Variants in TMEM131L observed in about 807,000 individuals in gnomAD.
The protein encoded by TMEM131L is transmembrane protein 131-like.
Under a neutral mutation model 192.2 loss-of-function variants are expected in TMEM131L, and 54 were observed. The observed-to-expected ratio is 0.28, with a 90% CI of 0.23 to 0.35. The LOEUF (loss-of-function observed/expected upper bound fraction) is 0.35. Ranked by LOEUF, TMEM131L falls within the 10% of genes least tolerant of loss-of-function variation. The pLI is 1.00. For missense variants in TMEM131L, 1,888 were observed against 1,972.9 expected, an observed-to-expected ratio of 0.96 and a Z score of 0.82; for synonymous variants, 701 against 704.9, an observed-to-expected ratio of 0.99 and a Z score of 0.09.
At chr4:153,478,045 T>C (rs1201202743) in intron 3 of TMEM131L, among the ~76,000 whole-genome samples, 1 of 152,240 alleles carries the variant, frequency 6.6e-6, no homozygotes, top group African/African-American at 2.4e-5. Context: ...CCTTAATTTA[T>C]ATGTTTTATC....
At chr4:153,614,339 T>C (rs1368222106) in intron 26 of TMEM131L, among the ~76,000 whole-genome samples, 1 of 152,172 alleles carries the variant, frequency 6.6e-6, no homozygotes, top group Non-Finnish European at 1.5e-5. Flanking sequence ...GTGAAAGCAA[T>C]AGGAAGGTGG....
chr4:153,620,472 A>C (rs1733310391), intron 26 of TMEM131L, among the ~76,000 whole-genome samples: 1 of 152,256 alleles, frequency 6.6e-6, no homozygotes, highest in Non-Finnish European at 1.5e-5. Flanking sequence ...TTATTGCTGC[A>C]AAGTTAACAG....
intron 3 of TMEM131L, among the ~76,000 whole-genome samples, chr4:153,549,109 C>T (rs949438704): frequency 8.5e-5 from 13 of 152,184 alleles, no homozygotes; most frequent in African/African-American, 2.6e-4. Context: ...GGATTACAGG[C>T]GCATGCCACC....
intron 25 of TMEM131L, among the ~76,000 whole-genome samples, chr4:153,605,310 C>CT (rs969611158): frequency 1.2e-4 from 19 of 152,152 alleles, no homozygotes; most frequent in Non-Finnish European, 2.5e-4. Context: ...TATTTATTTT[C>CT]TTTTTTTGTC....
chr4:153,487,480 G>C (rs114970846), intron 3 of TMEM131L, among the ~76,000 whole-genome samples: 2,939 of 152,300 alleles, frequency 0.019, 53 homozygotes, highest in South Asian at 0.068. Context: ...TGGTAAATAG[G>C]TGGGTTAGGC....
At chr4:153,613,829 T>C (rs1732791593) in intron 26 of TMEM131L, among the ~76,000 whole-genome samples, 1 of 152,242 alleles carries the variant, frequency 6.6e-6, no homozygotes, top group African/African-American at 2.4e-5. Context: ...TTTTTCCTTC[T>C]TTATTTTCTT....
chr4:153,597,850 G>A (rs11732127), intron 20 of TMEM131L, among the ~76,000 whole-genome samples: 41,487 of 151,920 alleles, frequency 0.27, 6,038 homozygotes, highest in Non-Finnish European at 0.34. Context: ...GGAGGATTGC[G>A]TGAGCCTGGG....
chr4:153,575,666 A>G (rs1048068121), intron 7 of TMEM131L, among the ~76,000 whole-genome samples: 6 of 152,198 alleles, frequency 3.9e-5, no homozygotes, highest in African/African-American at 1.2e-4. Flanking sequence ...AATACTTTCA[A>G]TGAAGACTAC....
At chr4:153,493,614 C>T (rs910840145) in intron 3 of TMEM131L, among the ~76,000 whole-genome samples, 4 of 152,138 alleles carry the variant, frequency 2.6e-5, no homozygotes, top group South Asian at 2.1e-4. Flanking sequence ...GAGCCGAGAT[C>T]GCACCACTGC....
chr4:153,481,909 C>T (rs1985632), intron 3 of TMEM131L, among the ~76,000 whole-genome samples: 2,106 of 151,970 alleles, frequency 0.014, 23 homozygotes, highest in Non-Finnish European at 0.021. Flanking sequence ...TGCAGTGACG[C>T]GATCTCGGCT....
chr4:153,600,970 C>T (rs750044999), intron 21 of TMEM131L, among the ~76,000 whole-genome samples: 18 of 151,812 alleles, frequency 1.2e-4, no homozygotes, highest in Non-Finnish European at 2.1e-4. Context: ...ATTAGCTGGG[C>T]GTGGTGGCAC....
intron 2 of TMEM131L, among the ~76,000 whole-genome samples, chr4:153,471,657 C>T (rs1477696692): frequency 6.6e-6 from 1 of 152,200 alleles, no homozygotes; most frequent in Non-Finnish European, 1.5e-5. Flanking sequence ...ACTCCTGATG[C>T]CCCTTGGTTA....
At chr4:153,562,287 C>T (rs549240494) in intron 7 of TMEM131L, among the ~76,000 whole-genome samples, 25 of 152,246 alleles carry the variant, frequency 1.6e-4, no homozygotes, top group African/African-American at 3.4e-4. Flanking sequence ...CCGCCCACCT[C>T]GGCCTCCTAA....
intron 3 of TMEM131L, among the ~76,000 whole-genome samples, chr4:153,514,250 A>G (rs915502742): frequency 1.3e-5 from 2 of 152,102 alleles, no homozygotes; most frequent in Non-Finnish European, 2.9e-5. Flanking sequence ...TGCAGTTCAC[A>G]TAAAGATCAT....
chr4:153,496,183 G>T (rs1181405919), intron 3 of TMEM131L, among the ~76,000 whole-genome samples: 2 of 152,174 alleles, frequency 1.3e-5, no homozygotes, highest in African/African-American at 4.8e-5. Context: ...CTTTAGAAAG[G>T]TATCAAATTA....
At chr4:153,619,988 C>T (rs935592195) in intron 26 of TMEM131L, among the ~76,000 whole-genome samples, 2 of 152,134 alleles carry the variant, frequency 1.3e-5, no homozygotes, top group African/African-American at 4.8e-5. Flanking sequence ...CACCACCGCC[C>T]ACCCACTGAC....
intron 3 of TMEM131L, among the ~76,000 whole-genome samples, chr4:153,527,644 C>T (rs1735594066): frequency 6.6e-6 from 1 of 152,196 alleles, no homozygotes; most frequent in Non-Finnish European, 1.5e-5. Context: ...GACCCCACCC[C>T]TGCCCTGATT....
In TMEM131L at chr4:153,555,774, T is replaced by G; in HGVS notation, c.309-13T>G. Reference sequence around the variant, plus strand: ...CACAATACATTGATTTTTCTCTTTGTTTCTCCTCCTAGGTTCCTGGGACAT... The same window carrying G: ...CACAATACATTGATTTTTCTCTTTGGTTCTCCTCCTAGGTTCCTGGGACAT... On this transcript the variant is annotated splice_polypyrimidine_tract_variant and intron_variant, in intron 4 of 34. Coordinates refer to ENST00000409959, the MANE Select transcript of TMEM131L (RefSeq NM_001131007.2). The surrounding 1 kb of genome is among the most constrained non-coding windows in gnomAD (Gnocchi z 4.1). The G allele has an allele frequency of 6.5e-7, 1 of 1,548,864 alleles. No individual in the cohort carries two copies. The highest frequency in any genetic ancestry group is 1.4e-5 in the African/African-American group (1 of 73,118).
intron 7 of TMEM131L, among the ~76,000 whole-genome samples, chr4:153,569,235 G>A (rs1729422616): frequency 6.6e-6 from 1 of 152,210 alleles, no homozygotes; most frequent in East Asian, 1.9e-4. Flanking sequence ...TTAAGCCTGA[G>A]ATCAGCCGAT....
Sources: allele counts gnomAD v4.1 joint callset (sites outside exome capture counted in the v4.1 genomes callset), GRCh38; gene constraint gnomAD v4.1.1; non-coding constraint Gnocchi (gnomAD v3.1); transcripts MANE v1.5; gene names NCBI Gene and HGNC (gene_info 2026-07-23, HGNC 2026-07-21).